CTNNA2: variants seen among roughly 807,000 people sequenced by gnomAD.
CTNNA2 encodes the protein catenin alpha 2.
A neutral mutation model predicts 101.0 loss-of-function variants in CTNNA2; 42 were observed. The ratio of observed to expected loss-of-function variants is 0.42; its 90% CI spans 0.32 to 0.54. The LOEUF is 0.54. CTNNA2 is among the 20% of genes least tolerant of loss of function. CTNNA2 has a pLI of 0.14. For missense variants in CTNNA2, 871 were observed against 1,223.1 expected, an observed-to-expected ratio of 0.71 and a Z score of 4.29; for synonymous variants, 450 against 456.4, an observed-to-expected ratio of 0.99 and a Z score of 0.18.
chr2:79,339,436 G>A (rs1677080406), intron 3 of CTNNA2, among the ~76,000 whole-genome samples: 1 of 152,128 alleles, frequency 6.6e-6, no homozygotes. Flanking sequence ...TTAAGGGAAG[G>A]CAAGCGACAC....
At chr2:79,312,472 T>C (rs1407182004) in intron 2 of CTNNA2, among the ~76,000 whole-genome samples, 2 of 152,208 alleles carry the variant, frequency 1.3e-5, no homozygotes, top group African/African-American at 4.8e-5. Flanking sequence ...CAAGTATTTA[T>C]TGAGTACTTT....
At chr2:79,690,424 G>T (rs971608465) in intron 2 of CTNNA2, among the ~76,000 whole-genome samples, 2 of 151,886 alleles carry the variant, frequency 1.3e-5, no homozygotes, top group Non-Finnish European at 2.9e-5. Context: ...CATACGAAAG[G>T]AAATACTTCC....
intron 2 of CTNNA2, among the ~76,000 whole-genome samples, chr2:79,218,308 AC>A (rs1674293147): frequency 1.4e-5 from 1 of 72,626 alleles, no homozygotes; most frequent in African/African-American, 4.5e-5. Context: ...ATCTTCATGA[AC>A]TTTGTGTGTG....
intron 3 of CTNNA2, among the ~76,000 whole-genome samples, chr2:79,855,189 T>G (rs980892706): frequency 6.6e-6 from 1 of 151,602 alleles, no homozygotes; most frequent in Non-Finnish European, 1.5e-5. Flanking sequence ...AATGTGGGTC[T>G]CTCTCTCTCT....
At chr2:80,644,600 A>AATGATCTAAATCATGAAAGTGCATCTAC (rs1673855247) in intron 18 of CTNNA2, among the ~76,000 whole-genome samples, 1 of 152,222 alleles carries the variant, frequency 6.6e-6, no homozygotes. Context: ...TTGTGCTGAT[A>AATGATCTAAATCATGAAAGTGCATCTAC]ATGATCTAAA....
At chr2:80,151,836 T>C (rs936437199) in intron 7 of CTNNA2, among the ~76,000 whole-genome samples, 3 of 152,242 alleles carry the variant, frequency 2.0e-5, no homozygotes, top group African/African-American at 7.2e-5. Flanking sequence ...GTGCTGCCTC[T>C]TCTGCTGCCA....
At chr2:79,594,452 T>C (rs894437200) in intron 1 of CTNNA2, among the ~76,000 whole-genome samples, 3 of 152,224 alleles carry the variant, frequency 2.0e-5, no homozygotes, top group Admixed American at 2.0e-4. Flanking sequence ...TCCTACCTTA[T>C]AGAATCATTG....
intron 7 of CTNNA2, among the ~76,000 whole-genome samples, chr2:79,913,608 C>T (rs188851614): frequency 1.4e-4 from 21 of 152,162 alleles, no homozygotes; most frequent in Admixed American, 3.3e-4. Flanking sequence ...CCCTGCGTCC[C>T]GTAATATTCA....
intron 7 of CTNNA2, among the ~76,000 whole-genome samples, chr2:79,957,558 A>G (rs1000157463): frequency 6.6e-6 from 1 of 151,974 alleles, no homozygotes; most frequent in African/African-American, 2.4e-5. Context: ...TCTTTCCCAT[A>G]CCTCTTCAGG....
Position 80,279,544 on chromosome 2 carries a change from A to AT in CTNNA2, c.1057-113660dup, listed in dbSNP as rs1404500214. 3.9e-5 allele frequency among the ~76,000 whole-genome samples: 6 copies of AT among 151,968 alleles called. No homozygotes were observed. The East Asian group carries it at 5.8e-4, about 15-fold the overall frequency. ...ACAATTATACAATATTATACTATTT[A>AT]TTTTTTTCGCTTTTAAAGCTTACTC... is the stretch of plus-strand genomic sequence containing the variant. On this transcript the variant is annotated intron_variant, in intron 7 of 18. Coordinates refer to ENST00000402739, the MANE Select transcript of CTNNA2 (RefSeq NM_001282597.3).
At chr2:79,660,075 T>C (rs1048194595) in intron 2 of CTNNA2, among the ~76,000 whole-genome samples, 3 of 152,074 alleles carry the variant, frequency 2.0e-5, no homozygotes, top group African/African-American at 7.2e-5. Context: ...AATCTCTGCA[T>C]CTTTCCTTGT....
chr2:79,500,769 C>T (rs1671310578), intron 4 of CTNNA2: 1 of 152,466 alleles, frequency 6.6e-6, no homozygotes, highest in African/African-American at 2.4e-5. Context: ...TGACTACATC[C>T]TTTCCACCCA....
At chr2:80,528,295 C>G (rs1174525359) in intron 9 of CTNNA2, among the ~76,000 whole-genome samples, 1 of 152,128 alleles carries the variant, frequency 6.6e-6, no homozygotes, top group African/African-American at 2.4e-5. Flanking sequence ...TCCTGGGGTT[C>G]AAGCAATTCT....
At chr2:80,535,197 T>A (rs567847870) in intron 9 of CTNNA2, among the ~76,000 whole-genome samples, 2 of 152,170 alleles carry the variant, frequency 1.3e-5, no homozygotes, top group Admixed American at 1.3e-4. Flanking sequence ...ATATAAACTT[T>A]TAATGCATTA....
At chr2:79,241,498 T>C (rs563382509) in intron 2 of CTNNA2, among the ~76,000 whole-genome samples, 1 of 152,116 alleles carries the variant, frequency 6.6e-6, no homozygotes, top group South Asian at 2.1e-4. Context: ...GACAAAATTT[T>C]AGGAGCTGAG....
At chr2:80,140,257 A>T (rs2148908523) in intron 7 of CTNNA2, among the ~76,000 whole-genome samples, 1 of 152,308 alleles carries the variant, frequency 6.6e-6, no homozygotes, top group East Asian at 1.9e-4. Context: ...ATACCAATTG[A>T]CTTTTAAAAC....
chr2:79,328,259 G>C (rs1676792035), intron 3 of CTNNA2, among the ~76,000 whole-genome samples: 1 of 152,160 alleles, frequency 6.6e-6, no homozygotes. Flanking sequence ...TCAGAGAAGG[G>C]AAGGAGAGGA....
intron 9 of CTNNA2, among the ~76,000 whole-genome samples, chr2:80,503,295 C>A (rs1183460733): frequency 6.6e-6 from 1 of 152,150 alleles, no homozygotes; most frequent in Non-Finnish European, 1.5e-5. Context: ...CATTTTGTCC[C>A]ACCTATTAAT....
At chr2:80,247,497 A>G (rs1007310053) in intron 7 of CTNNA2, among the ~76,000 whole-genome samples, 4 of 152,134 alleles carry the variant, frequency 2.6e-5, no homozygotes, top group Admixed American at 1.3e-4. Flanking sequence ...ACCACCACTT[A>G]CAGACCTTAA....
Sources: allele counts gnomAD v4.1 joint callset (sites outside exome capture counted in the v4.1 genomes callset), GRCh38; gene constraint gnomAD v4.1.1; transcripts MANE v1.5; gene names NCBI Gene and HGNC (gene_info 2026-07-23, HGNC 2026-07-21).